The following UBE3D variants were observed in gnomAD, a reference collection of about 807,000 sequenced individuals.
UBE3D encodes E3 ubiquitin-protein ligase E3D.
UBE3D carries 48 observed loss-of-function variants against 49.6 expected under a neutral mutation model. The observed-to-expected ratio is 0.97, with a 90% confidence interval of 0.77 to 1.23. The LOEUF (loss-of-function observed/expected upper bound fraction) is 1.23. Among genes scored for constraint, UBE3D ranks in the 50% most tolerant of loss-of-function variants. The pLI, the probability that UBE3D is intolerant of heterozygous loss-of-function variation, is 0.00. For missense variants in UBE3D, 452 were observed against 468.4 expected, an observed-to-expected ratio of 0.96 and a Z score of 0.32; for synonymous variants, 189 against 174.2, an observed-to-expected ratio of 1.08 and a Z score of -0.67.
chr6:82,967,547 T>C (rs1053389870), intron 8 of UBE3D, among the ~76,000 whole-genome samples: 3 of 152,222 alleles, frequency 2.0e-5, no homozygotes, highest in African/African-American at 4.8e-5. Flanking sequence ...TCAAGAATGT[T>C]ACATAAGTAG....
intron 9 of UBE3D, among the ~76,000 whole-genome samples, chr6:82,915,867 G>A (rs910824335): frequency 1.3e-5 from 2 of 152,096 alleles, no homozygotes; most frequent in South Asian, 4.1e-4. Flanking sequence ...GCAAATATCA[G>A]TGTTGATCTT....
At chr6:82,942,693 AC>A (rs1340037021) in intron 9 of UBE3D, among the ~76,000 whole-genome samples, 2 of 152,210 alleles carry the variant, frequency 1.3e-5, no homozygotes, top group Admixed American at 1.3e-4. Context: ...CTGTGAGTGC[AC>A]AGTTGTCAAG....
chr6:82,992,270 T>C (rs2127733675), intron 8 of UBE3D, among the ~76,000 whole-genome samples: 2 of 142,660 alleles, frequency 1.4e-5, no homozygotes, highest in Admixed American at 1.5e-4. Context: ...TTGCCCGGGC[T>C]GGAGTGGAAT....
In UBE3D at chr6:83,061,115, G is replaced by A. The variant is rs568103747; in HGVS notation, c.78-3093C>T. Among the ~76,000 whole-genome samples the A allele has an allele frequency of 1.9e-4, 29 of 152,298 alleles. No individual in the cohort carries two copies. The South Asian group carries it at 5.8e-3, about 30-fold the overall frequency. ...CCACCTGACAGGAAGCCTCACTTCT[G>A]TTATATTCCTGCCAAAGATGCAAAA... On this transcript the variant is annotated intron_variant, in intron 1 of 9. Coordinates refer to ENST00000369747, the MANE Select transcript of UBE3D (RefSeq NM_198920.3).
intron 8 of UBE3D, among the ~76,000 whole-genome samples, chr6:83,002,588 G>GGCAGGAGAATCACTTGAAC (rs1305413634): frequency 2.0e-5 from 3 of 152,210 alleles, no homozygotes; most frequent in Non-Finnish European, 2.9e-5. Flanking sequence ...GGGAGGCTGA[G>GGCAGGAGAATCACTTGAAC]GCAGGAGAAT....
At chr6:82,935,545 GACA>G (rs1169350313) in intron 9 of UBE3D, among the ~76,000 whole-genome samples, 1 of 152,132 alleles carries the variant, frequency 6.6e-6, no homozygotes, top group African/African-American at 2.4e-5. Context: ...ACTACTTAAA[GACA>G]GGAGTTCTTA....
At chr6:83,059,103 A>G (rs1783999819) in intron 1 of UBE3D, among the ~76,000 whole-genome samples, 1 of 152,142 alleles carries the variant, frequency 6.6e-6, no homozygotes, top group South Asian at 2.1e-4. Context: ...TAAAATCAGC[A>G]GGTCGAGGTA....
At chr6:82,998,066 T>G (rs1490536261) in intron 8 of UBE3D, among the ~76,000 whole-genome samples, 1 of 152,232 alleles carries the variant, frequency 6.6e-6, no homozygotes, top group African/African-American at 2.4e-5. Context: ...GGGTGTCCCA[T>G]GGAGGACAGT....
the UBE3D span, among the ~76,000 whole-genome samples, chr6:82,883,312 T>A: frequency 6.6e-6 from 1 of 152,158 alleles, no homozygotes; most frequent in Non-Finnish European, 1.5e-5. Context: ...GAGAGATTCA[T>A]AAACATTTTG....
chr6:82,960,288 T>C (rs568735078), intron 8 of UBE3D, among the ~76,000 whole-genome samples: 126 of 152,292 alleles, frequency 8.3e-4, no homozygotes, highest in African/African-American at 2.8e-3. Flanking sequence ...TACATAACAT[T>C]TTCAACATTT....
intron 3 of UBE3D, among the ~76,000 whole-genome samples, chr6:83,053,329 G>T (rs1783594470): frequency 6.6e-6 from 1 of 152,164 alleles, no homozygotes; most frequent in South Asian, 2.1e-4. Flanking sequence ...CAGACAGGAA[G>T]GATCCGTTCA....
intron 8 of UBE3D, among the ~76,000 whole-genome samples, chr6:82,993,627 G>T (rs1342055864): frequency 6.6e-6 from 1 of 152,058 alleles, no homozygotes; most frequent in Non-Finnish European, 1.5e-5. Flanking sequence ...TTTGAATTTT[G>T]TGGGGATTTT....
chr6:82,977,113 C>CAAAAAAAAAAAAAAAAAAAAAAA (rs58424434), intron 8 of UBE3D, among the ~76,000 whole-genome samples: 2 of 42,582 alleles, frequency 4.7e-5, no homozygotes, highest in African/African-American at 1.1e-4. Flanking sequence ...GACTCCATCT[C>CAAAAAAAAAAAAAAAAAAAAAAA]AAAAAAAAAA....
At chr6:82,971,087 C>T (rs1405279405) in intron 8 of UBE3D, among the ~76,000 whole-genome samples, 4 of 152,050 alleles carry the variant, frequency 2.6e-5, no homozygotes, top group South Asian at 2.1e-4. Context: ...GAGTAAGGAT[C>T]GCTGCTTTTC....
chr6:83,035,756 G>A (rs1046699630), intron 5 of UBE3D, among the ~76,000 whole-genome samples: 2 of 152,100 alleles, frequency 1.3e-5, no homozygotes, highest in African/African-American at 4.8e-5. Flanking sequence ...CCTAGCTCTG[G>A]AAAATAGACT....
intron 5 of UBE3D, among the ~76,000 whole-genome samples, chr6:83,028,794 G>A (rs1208159494): frequency 6.6e-6 from 1 of 152,034 alleles, no homozygotes; most frequent in African/African-American, 2.4e-5. Flanking sequence ...TTCTTGTACA[G>A]CAGGTACGAT....
chr6:82,900,185 C>T (rs902794589), intron 9 of UBE3D, among the ~76,000 whole-genome samples: 6 of 152,140 alleles, frequency 3.9e-5, no homozygotes, highest in African/African-American at 1.4e-4. Context: ...ATGCCTCTGA[C>T]CAAACAAGTT....
chr6:82,936,511 A>G (rs1217042674), intron 9 of UBE3D, among the ~76,000 whole-genome samples: 2 of 152,070 alleles, frequency 1.3e-5, no homozygotes, highest in Non-Finnish European at 2.9e-5. Flanking sequence ...TTTTTTTTTA[A>G]TGAAGAACTG....
At chr6:82,961,031 A>G (rs1380298928) in intron 8 of UBE3D, among the ~76,000 whole-genome samples, 1 of 152,152 alleles carries the variant, frequency 6.6e-6, no homozygotes, top group African/African-American at 2.4e-5. Context: ...GGAACTCATC[A>G]GTGAATCTCT....
Sources: allele counts gnomAD v4.1 joint callset (sites outside exome capture counted in the v4.1 genomes callset), GRCh38; gene constraint gnomAD v4.1.1; transcripts MANE v1.5; gene names NCBI Gene and HGNC (gene_info 2026-07-23, HGNC 2026-07-21).